Variants in TNIK observed in about 807,000 individuals in gnomAD.
TNIK encodes the protein TRAF2 and NCK-interacting protein kinase.
Under a neutral mutation model 191.3 loss-of-function variants are expected in TNIK, and 49 were observed. The ratio of observed to expected loss-of-function variants is 0.26; its 90% CI spans 0.20 to 0.32. TNIK has a LOEUF of 0.32. Ranked by LOEUF, TNIK falls within the 10% of genes least tolerant of loss-of-function variation. The pLI is 1.00. For missense variants in TNIK, 1,155 were observed against 1,702.3 expected (o/e 0.68, Z 5.66); for synonymous variants, 594 against 600.9 (o/e 0.99, Z 0.17).
At chr3:171,402,456 C>T (rs1227631041) in intron 1 of TNIK, among the ~76,000 whole-genome samples, 1 of 152,198 alleles carries the variant, frequency 6.6e-6, no homozygotes, top group African/African-American at 2.4e-5. Flanking sequence ...TCGAATTTGG[C>T]TGTGAACCAC....
chr3:171,431,085 T>C (rs1725322405), intron 1 of TNIK, among the ~76,000 whole-genome samples: 1 of 152,138 alleles, frequency 6.6e-6, no homozygotes. Context: ...TAGAAACCTA[T>C]ATTTCAGAAA....
At chr3:171,176,097 T>G (rs1488781996) in intron 8 of TNIK, among the ~76,000 whole-genome samples, 2 of 152,248 alleles carry the variant, frequency 1.3e-5, no homozygotes, top group African/African-American at 4.8e-5. Context: ...ACTTTGTAGC[T>G]AGAATAAGAA....
chr3:171,138,159 C>T (rs746657620), intron 15 of TNIK, 32 bp downstream of exon 15: 1 of 1,523,648 alleles, frequency 6.6e-7, no homozygotes, highest in Non-Finnish European at 8.8e-7. Flanking sequence ...AAAAGCCTGG[C>T]CAACAGGGTG....
At chr3:171,433,146 A>G (rs1250821267) in intron 1 of TNIK, among the ~76,000 whole-genome samples, 1 of 152,138 alleles carries the variant, frequency 6.6e-6, no homozygotes, top group Non-Finnish European at 1.5e-5. Flanking sequence ...CTACAGGTTT[A>G]AGTATATATT....
At position 171,390,433 on chromosome 3, in the gene TNIK, G is replaced by A. The variant is rs117964504; in HGVS notation, c.58-20748C>T. Among the ~76,000 whole-genome samples the A allele has an allele frequency of 2.7e-4, 41 of 152,230 alleles. No homozygotes were observed. The East Asian group carries it at 7.0e-3, about 26-fold the overall frequency. ...ACCTCTGGTTGCAGTAACCACCTTC[G>A]ATCTCTTTTTAAGGCCTTTCGTTCT... is the stretch of plus-strand genomic sequence containing the variant. On this transcript the variant is annotated intron_variant, in intron 1 of 32. Coordinates refer to ENST00000436636, the MANE Select transcript of TNIK (RefSeq NM_015028.4).
chr3:171,160,527 A>G (rs1733855437), intron 11 of TNIK, among the ~76,000 whole-genome samples: 1 of 151,582 alleles, frequency 6.6e-6, no homozygotes, highest in African/African-American at 2.4e-5. Context: ...TCACATGTAT[A>G]CTGCATGGCA....
intron 2 of TNIK, among the ~76,000 whole-genome samples, chr3:171,237,477 T>C (rs900637511): frequency 3.3e-5 from 5 of 151,718 alleles, no homozygotes; most frequent in Non-Finnish European, 5.9e-5. Context: ...AGTGAGCAAC[T>C]TACTGGAGTC....
At chr3:171,243,890 A>G (rs12487606) in intron 2 of TNIK, among the ~76,000 whole-genome samples, 10,768 of 152,172 alleles carry the variant, frequency 0.071, 464 homozygotes, top group Middle Eastern at 0.13. Flanking sequence ...AATTAAAGAA[A>G]AATCGTGAGA....
At chr3:171,098,028 T>C (rs774185480) in intron 22 of TNIK, among the ~76,000 whole-genome samples, 6 of 152,200 alleles carry the variant, frequency 3.9e-5, no homozygotes, top group Non-Finnish European at 8.8e-5. Flanking sequence ...TCTAAATAAA[T>C]TATGTAGCTA....
At chr3:171,358,917 A>AT (rs968086888) in intron 2 of TNIK, among the ~76,000 whole-genome samples, 5 of 152,132 alleles carry the variant, frequency 3.3e-5, no homozygotes, top group Non-Finnish European at 5.9e-5. Context: ...TACTAACAGT[A>AT]TTTTTTTAAA....
chr3:171,338,659 G>GTTTTTTTTT (rs76315440), intron 2 of TNIK, among the ~76,000 whole-genome samples: 3 of 126,820 alleles, frequency 2.4e-5, no homozygotes, highest in Non-Finnish European at 1.7e-5. Context: ...CAGCTAAGTT[G>GTTTTTTTTT]TTTTTTTTTT....
At chr3:171,121,116 CA>C (rs1727691665) in intron 18 of TNIK, among the ~76,000 whole-genome samples, 1 of 152,164 alleles carries the variant, frequency 6.6e-6, no homozygotes, top group African/African-American at 2.4e-5. Flanking sequence ...CCTTGGGAAT[CA>C]CTTCAAAGAA....
At chr3:171,086,505 A>T (rs890816451) in intron 24 of TNIK, among the ~76,000 whole-genome samples, 1 of 152,196 alleles carries the variant, frequency 6.6e-6, no homozygotes, top group Non-Finnish European at 1.5e-5. Context: ...ACAGCATGAA[A>T]TTACAATAGG....
intron 1 of TNIK, among the ~76,000 whole-genome samples, chr3:171,402,504 C>A (rs1721077712): frequency 6.6e-6 from 1 of 152,164 alleles, no homozygotes; most frequent in Admixed American, 6.5e-5. Flanking sequence ...GAACAGTACT[C>A]ACAGTTTCCA....
chr3:171,141,661 CTG>C (rs10579458), intron 12 of TNIK, among the ~76,000 whole-genome samples: 11,506 of 152,304 alleles, frequency 0.076, 454 homozygotes, highest in Middle Eastern at 0.13. Flanking sequence ...GCCAAACATC[CTG>C]TGCAAGGCAC....
chr3:171,173,426 G>C (rs1428771520), intron 9 of TNIK, among the ~76,000 whole-genome samples: 4 of 151,022 alleles, frequency 2.6e-5, no homozygotes, highest in South Asian at 4.2e-4. Context: ...GAAAAGAAAA[G>C]AAAACAGGAG....
intron 9 of TNIK, among the ~76,000 whole-genome samples, chr3:171,167,955 C>G (rs1734806037): frequency 6.6e-6 from 1 of 152,170 alleles, no homozygotes; most frequent in South Asian, 2.1e-4. Flanking sequence ...GTCGTTAACT[C>G]AAGGACTTAG....
chr3:171,427,046 A>T (rs1056099919), intron 1 of TNIK, among the ~76,000 whole-genome samples: 4 of 152,220 alleles, frequency 2.6e-5, no homozygotes, highest in Admixed American at 2.0e-4. Context: ...TGGGAGCTGG[A>T]TTAATTGATC....
chr3:171,190,066 C>T (rs2108830335), intron 6 of TNIK, among the ~76,000 whole-genome samples: 2 of 152,258 alleles, frequency 1.3e-5, no homozygotes, highest in Middle Eastern at 6.8e-3. Flanking sequence ...TCAATTCATG[C>T]TCTTACTCAT....
Sources: gnomAD v4.1 joint callset for allele counts (sites outside exome capture counted in the v4.1 genomes callset) on GRCh38, gnomAD v4.1.1 for gene constraint, MANE v1.5 for transcripts, NCBI Gene and HGNC (gene_info 2026-07-23, HGNC 2026-07-21) for gene names.